AKAP13: variants seen among roughly 807,000 people sequenced by gnomAD.
The protein encoded by AKAP13 is A-kinase anchor protein 13.
In AKAP13, 80 loss-of-function variants were observed where a neutral mutation model predicts 264.5. The observed-to-expected ratio is 0.30, with a 90% CI of 0.25 to 0.36. AKAP13 has a LOEUF of 0.36. Among genes scored for constraint, AKAP13 ranks in the 10% least tolerant of loss-of-function variants. The pLI is 1.00. For missense variants in AKAP13, 3,712 were observed against 3,435.2 expected (o/e 1.08, Z -2.01); for synonymous variants, 1,380 against 1,250.2 (o/e 1.10, Z -2.19).
At chr15:85,583,994 G>A (rs1033774487) in intron 7 of AKAP13, among the ~76,000 whole-genome samples, 2 of 152,170 alleles carry the variant, frequency 1.3e-5, no homozygotes, top group African/African-American at 2.4e-5. Context: ...AGACTACAGA[G>A]AAAGTAGCCA....
intron 4 of AKAP13, 109 bp from the exon 5 acceptor site, chr15:85,543,663 A>G (rs2077642113): frequency 3.2e-6 from 4 of 1,243,810 alleles, no homozygotes; most frequent in Admixed American, 5.5e-5. Flanking sequence ...TTAACTTTAC[A>G]ATCTTAGGCA....
At chr15:85,465,040 A>AC (rs2074672121) in intron 1 of AKAP13, among the ~76,000 whole-genome samples, 1 of 151,778 alleles carries the variant, frequency 6.6e-6, no homozygotes, top group Middle Eastern at 3.2e-3. Flanking sequence ...TCCTGGGTTC[A>AC]TGCCATACTC....
intron 10 of AKAP13, among the ~76,000 whole-genome samples, chr15:85,655,172 A>G (rs890609815): frequency 6.6e-6 from 1 of 152,192 alleles, no homozygotes; most frequent in Non-Finnish European, 1.5e-5. Context: ...AGCCTGGGCG[A>G]CAGAGTGAGA....
chr15:85,530,666 C>G (rs1278654356), intron 3 of AKAP13, among the ~76,000 whole-genome samples: 1 of 152,118 alleles, frequency 6.6e-6, no homozygotes, highest in Non-Finnish European at 1.5e-5. Flanking sequence ...TACAGATTAG[C>G]TTAATTTTGG....
chr15:85,665,150 T>A (rs2083519867), intron 13 of AKAP13, among the ~76,000 whole-genome samples: 2 of 152,086 alleles, frequency 1.3e-5, no homozygotes, highest in African/African-American at 4.8e-5. Context: ...CTGCATTGAG[T>A]TGTGATTGCA....
At chr15:85,481,539 T>C (rs553061785) in intron 1 of AKAP13, among the ~76,000 whole-genome samples, 64 of 152,344 alleles carry the variant, frequency 4.2e-4, no homozygotes, top group South Asian at 2.5e-3. Flanking sequence ...ATTAAATTTG[T>C]TTTTTCTCAT....
chr15:85,725,964 C>CCT (rs1321846394), intron 26 of AKAP13, among the ~76,000 whole-genome samples: 2 of 152,210 alleles, frequency 1.3e-5, no homozygotes, highest in African/African-American at 2.4e-5. Flanking sequence ...GGGCAGCATT[C>CCT]CTGTCTCCTG....
chr15:85,393,704 G>C (rs1022965006), intron 1 of AKAP13, among the ~76,000 whole-genome samples: 7 of 152,108 alleles, frequency 4.6e-5, no homozygotes, highest in African/African-American at 1.7e-4. Flanking sequence ...AAAAACTAGG[G>C]TTTAGAGATT....
chr15:85,633,417 T>G (rs924931216), intron 8 of AKAP13, among the ~76,000 whole-genome samples: 1 of 152,092 alleles, frequency 6.6e-6, no homozygotes, highest in African/African-American at 2.4e-5. Context: ...TAGTTTTGTA[T>G]TGCAGTACAG....
chr15:85,439,826 G>C (rs1425618944), intron 1 of AKAP13, among the ~76,000 whole-genome samples: 96 of 105,316 alleles, frequency 9.1e-4, no homozygotes, highest in Non-Finnish European at 1.3e-3. Context: ...GTGGTGGGGT[G>C]GGGGGAGGGG....
chr15:85,665,006 G>C (rs1030046473), intron 13 of AKAP13, among the ~76,000 whole-genome samples: 1 of 152,030 alleles, frequency 6.6e-6, no homozygotes, highest in African/African-American at 2.4e-5. Context: ...TTCAAGACCA[G>C]CCTGGGCAAC....
chr15:85,496,863 C>T (rs538641535), intron 2 of AKAP13, among the ~76,000 whole-genome samples: 4 of 152,324 alleles, frequency 2.6e-5, no homozygotes, highest in South Asian at 2.1e-4. Flanking sequence ...AGGGTTCCTC[C>T]GTCTAGCTTT....
chr15:85,592,046 C>CTTT lies in AKAP13; in HGVS notation c.4161+6242_4161+6244dup, dbSNP rs386383662. ...AAGCATTTAAAATCAGAACCATGAT[C>CTTT]TTTTTTTTTTTTTTTTTTTTTGGCA... is the stretch of plus-strand genomic sequence containing the variant. On this transcript the variant is annotated intron_variant, in intron 8 of 36. Coordinates refer to ENST00000394518, the MANE Select transcript of AKAP13 (RefSeq NM_007200.5). Among the ~76,000 whole-genome samples, 236 of 105,248 alleles carry CTTT rather than the reference C, an allele frequency of 2.2e-3. 1 individual carries two copies. Among genetic ancestry groups the CTTT allele is most frequent in the African/African-American group, 4.6e-3 (128 of 27,696 alleles). 69.0% of individuals were successfully genotyped at this position (105,248 alleles called of 152,430 possible).
chr15:85,543,922 G>A lies in AKAP13; in HGVS notation c.629G>A (p.Arg210Gln), dbSNP rs761151943. ...ACGCCTGTGAGCTTGGCCTTGGAGC[G>A]AGGCTATCACAAGCTGCACCAGCTT... The part of the protein sequence containing the change: ...GATPVSLALE[R>Q]GYHKLHQLLT... Residue 210 changes from arginine (R) to glutamine (Q), a missense_variant, in exon 5 of 37, where the codon CGA becomes CAA. Transcript: ENST00000394518. The A allele has an allele frequency of 2.5e-6, 4 of 1,613,626 alleles. No homozygotes were observed. The highest frequency in any genetic ancestry group is 3.4e-6 in the Non-Finnish European group (4 of 1,179,688).
intron 1 of AKAP13, among the ~76,000 whole-genome samples, chr15:85,449,467 G>T (rs944687765): frequency 1.3e-5 from 2 of 152,130 alleles, no homozygotes; most frequent in Non-Finnish European, 2.9e-5. Flanking sequence ...ATACTATGTT[G>T]AATAGAAGTG....
chr15:85,491,718 T>C (rs2075735431), intron 2 of AKAP13, among the ~76,000 whole-genome samples: 1 of 152,076 alleles, frequency 6.6e-6, no homozygotes, highest in South Asian at 2.1e-4. Flanking sequence ...TATGATTTAA[T>C]AGTAGTCCTT....
chr15:85,480,756 G>C (rs10152741), intron 1 of AKAP13: 37,153 of 151,758 alleles, frequency 0.24, 4,820 homozygotes, highest in African/African-American at 0.34. Context: ...GGTGCAATCT[G>C]GGCTCACTGC....
chr15:85,591,081 A>G (rs1276768316), intron 8 of AKAP13, among the ~76,000 whole-genome samples: 1 of 152,226 alleles, frequency 6.6e-6, no homozygotes, highest in Non-Finnish European at 1.5e-5. Flanking sequence ...GACCGTTACA[A>G]TTTGAAAGAA....
At position 85,585,682 on chromosome 15, in the gene AKAP13, T is replaced by TA. The variant is rs1555447752; in HGVS notation, c.4040-18dup. Reference sequence around the variant, plus strand: ...AATCAGTTTTTAAAAATGTACTCTGTAACCCCCCTGCACTTTCAGAAATGC... The same window carrying TA: ...AATCAGTTTTTAAAAATGTACTCTGTAAACCCCCCTGCACTTTCAGAAATGC... On this transcript the variant is annotated intron_variant, in intron 7 of 36. Coordinates refer to ENST00000394518, the MANE Select transcript of AKAP13 (RefSeq NM_007200.5). 6.2e-7 allele frequency: 1 copy of TA among 1,614,020 alleles called. No individual in the cohort carries two copies. Among genetic ancestry groups the TA allele is most frequent in the Non-Finnish European group, 8.5e-7 (1 of 1,179,902 alleles).
Sources: allele counts gnomAD v4.1 joint callset (sites outside exome capture counted in the v4.1 genomes callset), GRCh38; gene constraint gnomAD v4.1.1; transcripts MANE v1.5; gene names NCBI Gene and HGNC (gene_info 2026-07-23, HGNC 2026-07-21).